CHTF8: variants seen among roughly 807,000 people sequenced by gnomAD.
CHTF8 encodes the protein chromosome transmission fidelity protein 8 homolog.
A neutral mutation model predicts 11.0 loss-of-function variants in CHTF8; 6 were observed. That is an observed-to-expected ratio of 0.55 (90% CI 0.30 to 1.08). The LOEUF is 1.08. Among genes scored for constraint, CHTF8 ranks in the 50% least tolerant of loss-of-function variants. The pLI is 0.07. For missense variants in CHTF8, 140 were observed against 153.1 expected (o/e 0.91, Z 0.45); for synonymous variants, 53 against 60.5 (o/e 0.88, Z 0.57).
At chr16:69,121,696 C>T (rs1435324394) in intron 1 of CHTF8, among the ~76,000 whole-genome samples, 1 of 148,654 alleles carries the variant, frequency 6.7e-6, no homozygotes, top group Non-Finnish European at 1.5e-5. Flanking sequence ...GAGACGGAGT[C>T]TCACTCTGTC....
intron 1 of CHTF8, among the ~76,000 whole-genome samples, chr16:69,123,664 T>C (rs536304362): frequency 6.6e-6 from 1 of 152,104 alleles, no homozygotes; most frequent in African/African-American, 2.4e-5. Flanking sequence ...AATCAATCAA[T>C]CAATAAATCC....
Position 69,119,533 on chromosome 16 carries a change from A to G in CHTF8, c.*892T>C. ...TGCCATGGAGGATGGGCTTGTGCCC[A>G]TGTTTCCAGAAGCCTGTGAGAAAGA... On this transcript the variant is annotated 3_prime_UTR_variant, in exon 4 of 4. Coordinates refer to ENST00000448552, the MANE Select transcript of CHTF8 (RefSeq NM_001039690.5). 1.4e-6 allele frequency: 1 copy of G among 702,942 alleles called. No homozygotes were observed. 43.5% of individuals were successfully genotyped at this position (702,942 alleles called of 1,614,324 possible). A position where few individuals can be genotyped will look rare whatever the true frequency, so the allele number is the denominator to read the frequency against.
intron 2 of CHTF8, 101 bp downstream of exon 2, chr16:69,121,335 T>C: frequency 8.0e-7 from 1 of 1,253,264 alleles, no homozygotes; most frequent in Non-Finnish European, 1.1e-6. Flanking sequence ...CAAGGATTTG[T>C]ACAAGATGCA....
chr16:69,122,799 C>T (rs1374357344), intron 1 of CHTF8, among the ~76,000 whole-genome samples: 1 of 152,072 alleles, frequency 6.6e-6, no homozygotes, highest in East Asian at 1.9e-4. Context: ...ACTTTGGCCT[C>T]CCAAAGTGCT....
Position 69,118,806 on chromosome 16 carries a change from G to T in CHTF8, c.*1619C>A. On this transcript the variant is annotated 3_prime_UTR_variant, in exon 4 of 4. Coordinates refer to ENST00000448552, the MANE Select transcript of CHTF8 (RefSeq NM_001039690.5). Reference sequence around the variant, plus strand: ...TTTTACCTAAGACAGCCCCTGCCAAGAACCACAGTGCCTAGAAACCAAGGT... The same window carrying T: ...TTTTACCTAAGACAGCCCCTGCCAATAACCACAGTGCCTAGAAACCAAGGT... 1 of 665,702 alleles carries T rather than the reference G, an allele frequency of 1.5e-6. No homozygotes were observed. Among genetic ancestry groups the T allele is most frequent in the South Asian group, 1.6e-5 (1 of 60,780 alleles). The allele number at this position is 665,702 out of a possible 1,614,324, so 41.2% of individuals were successfully genotyped here.
chr16:69,121,063 T>C lies in CHTF8; in HGVS notation c.131A>G (p.Tyr44Cys). 1 of 1,613,708 alleles carries C rather than the reference T, an allele frequency of 6.2e-7. No individual in the cohort carries two copies. The highest frequency in any genetic ancestry group is 1.3e-5 in the African/African-American group (1 of 75,038). ...LAGNLLGDLH[Y>C]TTEGIPVLIV... The stretch of plus-strand genomic sequence containing the variant: ...GAAAAGCCCCCTCACCTCAGTGGTG[T>C]AATGTAGGTCTCCCAGGAGGTTTCC... Residue 44 changes from tyrosine (Y) to cysteine (C), a missense_variant, in exon 3 of 4, where the codon TAC (tyrosine) becomes TGC (cysteine). Tyr to Cys is a radical substitution (Grantham distance 194). Transcript: ENST00000448552.
At position 69,118,181 on chromosome 16, in the gene CHTF8, T is replaced by TTTGA. The variant is rs373811879; in HGVS notation, c.*2240_*2243dup. On this transcript the variant is annotated 3_prime_UTR_variant, in exon 4 of 4. Transcript: ENST00000448552. ...CACATCAGTTTAAATTTTGAGGTTC[T>TTTGA]TTGATTGATTGGGAGTACCAGTGAA... is the stretch of plus-strand genomic sequence containing the variant. 35 of 561,706 alleles carry TTTGA rather than the reference T, an allele frequency of 6.2e-5. No individual in the cohort carries two copies. Among genetic ancestry groups the TTTGA allele is most frequent in the African/African-American group, 3.6e-4 (19 of 52,082 alleles). 34.8% of individuals were successfully genotyped at this position (561,706 alleles called of 1,614,324 possible).
rs1295663631 is a variant in CHTF8, at chr16:69,121,323, T to C, written c.23+113A>G. The C allele has an allele frequency of 3.3e-6, 4 of 1,213,506 alleles. No homozygotes were observed. The Admixed American group carries it at 8.5e-5, about 26-fold the overall frequency. 75.2% of individuals were successfully genotyped at this position (1,213,506 alleles called of 1,614,324 possible). ...CTAGGCATGGAACTAGAGATCAGAA[T>C]GCAAGGATTTGTACAAGATGCACCT... On this transcript the variant is annotated intron_variant, in intron 2 of 3. Transcript: ENST00000448552.
In CHTF8 at chr16:69,120,010, C is replaced by A; in HGVS notation, c.*415G>T. The A allele has an allele frequency of 1.4e-6, 1 of 692,120 alleles. No homozygotes were observed. The allele number at this position is 692,120 out of a possible 1,614,324, so 42.9% of individuals were successfully genotyped here. A position where few individuals can be genotyped will look rare whatever the true frequency, so the allele number is the denominator to read the frequency against. On this transcript the variant is annotated 3_prime_UTR_variant, in exon 4 of 4. Transcript: ENST00000448552. The surrounding 1 kb of genome is among the most constrained non-coding windows in gnomAD (Gnocchi z 4.0). ...CCCTAACCTGGGGTTAGACAGAGGC[C>A]CTGGGCCTGGCAGAGCCCCTGTCCT...
intron 1 of CHTF8, among the ~76,000 whole-genome samples, chr16:69,127,477 C>A (rs1011076233): frequency 1.3e-5 from 2 of 151,952 alleles, no homozygotes; most frequent in African/African-American, 4.8e-5. Context: ...GTTGTTTGTT[C>A]TAAGATGGGG....
At position 69,120,984 on chromosome 16, in the gene CHTF8, C is replaced by G. The variant is rs1345380004; in HGVS notation, c.141+69G>C. 7.5e-7 allele frequency: 1 copy of G among 1,327,732 alleles called. No homozygotes were observed. The highest frequency in any genetic ancestry group is 1.2e-5 in the South Asian group (1 of 85,374). The allele number at this position is 1,327,732 out of a possible 1,614,324, so 82.2% of individuals were successfully genotyped here. ...ACCTGAGGCAGTCCTCACTCTGGGT[C>G]CTGGGAGCACCACCTTGGTGTAGCT... On this transcript the variant is annotated intron_variant, in intron 3 of 3. Coordinates refer to ENST00000448552, the MANE Select transcript of CHTF8 (RefSeq NM_001039690.5). This position sits in a 1 kb window ranked among gnomAD's most constrained non-coding sequence, Gnocchi z 4.0.
At chr16:69,121,671 G>GTTT (rs893564251) in intron 1 of CHTF8, among the ~76,000 whole-genome samples, 178 bp from the exon 2 acceptor site, 1 of 141,258 alleles carries the variant, frequency 7.1e-6, no homozygotes. Flanking sequence ...TAGAGATGGG[G>GTTT]TTTTTTTTTT....
Position 69,119,416 on chromosome 16 carries a change from G to C in CHTF8, c.*1009C>G. On this transcript the variant is annotated 3_prime_UTR_variant, in exon 4 of 4. Coordinates refer to ENST00000448552, the MANE Select transcript of CHTF8 (RefSeq NM_001039690.5). ...AGCTGAATTAGGGCCTATGGGGCCA[G>C]GAGCCCTTGACATGGGAGATGGATT... 1.4e-6 allele frequency: 1 copy of C among 702,958 alleles called. No individual in the cohort carries two copies. The highest frequency in any genetic ancestry group is 2.6e-6 in the Non-Finnish European group (1 of 384,990). 43.5% of individuals were successfully genotyped at this position (702,958 alleles called of 1,614,324 possible).
chr16:69,129,014 A>C (rs986810599), intron 1 of CHTF8, among the ~76,000 whole-genome samples: 3 of 152,030 alleles, frequency 2.0e-5, no homozygotes, highest in African/African-American at 7.2e-5. Flanking sequence ...CAGTGAGCCG[A>C]GACTGTGCCA....
In CHTF8 at chr16:69,120,402, T is replaced by G; in HGVS notation, c.*23A>C. 1 of 1,613,090 alleles carries G rather than the reference T, an allele frequency of 6.2e-7. No homozygotes were observed. The highest frequency in any genetic ancestry group is 8.5e-7 in the Non-Finnish European group (1 of 1,179,072). On this transcript the variant is annotated 3_prime_UTR_variant, in exon 4 of 4. Coordinates refer to ENST00000448552, the MANE Select transcript of CHTF8 (RefSeq NM_001039690.5). This position sits in a 1 kb window ranked among gnomAD's most constrained non-coding sequence, Gnocchi z 4.0. ...CACGAGTCCAAGGAGTTGGCCGCTC[T>G]CTAGGGAAAATCCGAGGTTCTTTCA...
At chr16:69,122,434 G>A (rs1018313646) in intron 1 of CHTF8, among the ~76,000 whole-genome samples, 9 of 150,018 alleles carry the variant, frequency 6.0e-5, no homozygotes, top group East Asian at 2.0e-4. Flanking sequence ...GCGCAGTGGC[G>A]CCATCTCGGC....
chr16:69,121,525 T>TAAC (rs568564552), intron 1 of CHTF8, 32 bp from the exon 2 acceptor site: 35 of 1,362,654 alleles, frequency 2.6e-5, no homozygotes, highest in South Asian at 8.9e-5. Context: ...TTTAGGGTAA[T>TAAC]AACAACAACA....
At position 69,119,434 on chromosome 16, in the gene CHTF8, G is replaced by A. The variant is rs763565434; in HGVS notation, c.*991C>T. 4.1e-5 allele frequency: 29 copies of A among 702,906 alleles called. No individual in the cohort carries two copies. The highest frequency in any genetic ancestry group is 6.5e-5 in the Non-Finnish European group (25 of 385,026). 43.5% of individuals were successfully genotyped at this position (702,906 alleles called of 1,614,324 possible). A position where few individuals can be genotyped will look rare whatever the true frequency, so the allele number is the denominator to read the frequency against. ...GGGGCCAGGAGCCCTTGACATGGGA[G>A]ATGGATTTGGCCCTGGAAGGCCAAT... On this transcript the variant is annotated 3_prime_UTR_variant, in exon 4 of 4. Coordinates refer to ENST00000448552, the MANE Select transcript of CHTF8 (RefSeq NM_001039690.5).
intron 1 of CHTF8, among the ~76,000 whole-genome samples, chr16:69,129,803 A>T (rs1043630505): frequency 6.6e-6 from 1 of 152,198 alleles, no homozygotes; most frequent in Non-Finnish European, 1.5e-5. Flanking sequence ...ATCTCTTACA[A>T]AATGGCAAAG....
Sources: allele counts gnomAD v4.1 joint callset (sites outside exome capture counted in the v4.1 genomes callset), GRCh38; gene constraint gnomAD v4.1.1; non-coding constraint Gnocchi (gnomAD v3.1); transcripts MANE v1.5; gene names NCBI Gene and HGNC (gene_info 2026-07-23, HGNC 2026-07-21).